AARS1: variants seen among roughly 807,000 people sequenced by gnomAD.
AARS1 encodes alanyl-tRNA synthetase 1, also known as alanine--tRNA ligase, cytoplasmic.
Under a neutral mutation model 108.9 loss-of-function variants are expected in AARS1, and 72 were observed. The ratio of observed to expected loss-of-function variants is 0.66; its 90% confidence interval spans 0.55 to 0.80. The LOEUF (loss-of-function observed/expected upper bound fraction) is 0.80, where lower values mean the gene tolerates loss of function less well. AARS1 is among the 30% of genes least tolerant of loss of function. The pLI is 0.00. For synonymous variants in AARS1, 489 were observed against 465.7 expected, an observed-to-expected ratio of 1.05 and a Z score of -0.64; for missense variants, 1,193 against 1,233.2, an observed-to-expected ratio of 0.97 and a Z score of 0.49.
Position 70,254,693 on chromosome 16 carries a change from G to A in AARS1, c.2328C>T (p.Val776=), listed in dbSNP as rs146969194. 1.9e-6 allele frequency: 3 copies of A among 1,614,056 alleles called. No individual in the cohort carries two copies. The highest frequency in any genetic ancestry group is 2.5e-6 in the Non-Finnish European group (3 of 1,179,954). The change falls in exon 17 of 21, where the codon GTC becomes GTT. Residue 776 remains valine, a synonymous_variant. Transcript: ENST00000261772. ...TCTGAGCCTTCACTTTGGCTTCCATGACAGAGAGACATTTCTTCAAGCTCT... is the reference window on the plus strand; with the variant it reads ...TCTGAGCCTTCACTTTGGCTTCCATAACAGAGAGACATTTCTTCAAGCTCT... ...KAESLKKCLS[V]MEAKVKAQTA...
At chr16:70,258,755 C>A (rs1176653940) in intron 14 of AARS1, among the ~76,000 whole-genome samples, 1 of 152,116 alleles carries the variant, frequency 6.6e-6, no homozygotes, top group African/African-American at 2.4e-5. Context: ...TTAGTAGAGA[C>A]AGGGTTAGCC....
Position 70,258,161 on chromosome 16 carries a change from C to T in AARS1, c.2049G>A (p.Arg683=). 1 of 1,610,258 alleles carries T rather than the reference C, an allele frequency of 6.2e-7. No individual in the cohort carries two copies. Among genetic ancestry groups the T allele is most frequent in the African/African-American group, 1.3e-5 (1 of 74,920 alleles). ...LAAAKAIQGL[R]AVFDETYPDP... ...CAGGATAGGTCTCATCAAACACAGC[C>T]CGTAGGCCCTGGATGGCTTTCGCTG... is the stretch of plus-strand genomic sequence containing the variant. The change falls in exon 15 of 21, where the codon CGG becomes CGA. Residue 683 remains arginine, a synonymous_variant. Transcript: ENST00000261772.
In AARS1 at chr16:70,253,993, G is replaced by A. The variant is rs778478316; in HGVS notation, c.2446C>T (p.Arg816Trp). ...TTCTTTAGGGATTTGAGAGTCTCCC[G>A]CAATTCATCCTTCTGCCACTGGGGG... ...VIPQWQKDEL[R>W]ETLKSLKKVM... The change falls in exon 18 of 21, where the codon CGG (arginine) becomes TGG (tryptophan). Residue 816 changes from arginine (R) to tryptophan (W), a missense_variant. Transcript: ENST00000261772. The A allele has an allele frequency of 6.2e-6, 10 of 1,614,010 alleles. No homozygotes were observed. The highest frequency in any genetic ancestry group is 4.0e-5 in the African/African-American group (3 of 74,902).
chr16:70,282,192 G>T (rs1049889430), intron 2 of AARS1, among the ~76,000 whole-genome samples: 3 of 151,852 alleles, frequency 2.0e-5, no homozygotes, highest in Non-Finnish European at 4.4e-5. Flanking sequence ...TGCCAGGCAT[G>T]GTGGCGGGCA....
At chr16:70,276,293 G>A (rs1413635310) in intron 4 of AARS1, 193 bp downstream of exon 4, 5 of 598,862 alleles carry the variant, frequency 8.3e-6, no homozygotes, top group African/African-American at 7.4e-5. Flanking sequence ...GGAGTGCAGT[G>A]GAGTGATCTC....
Position 70,258,233 on chromosome 16 carries a change from G to T in AARS1, c.1993-16C>A, listed in dbSNP as rs1470035730. 3.2e-6 allele frequency: 5 copies of T among 1,575,238 alleles called. No individual in the cohort carries two copies. The highest frequency in any genetic ancestry group is 3.4e-6 in the Non-Finnish European group (4 of 1,159,528). On this transcript the variant is annotated splice_polypyrimidine_tract_variant and intron_variant, in intron 14 of 20. Transcript: ENST00000261772. ...TATAGACGGCCTGCCAGACCAAGAA[G>T]ACAGAAAAGAGCTGGAAGAGATCCC...
At chr16:70,276,738 C>G (rs1960561665) in intron 3 of AARS1, 107 bp from the exon 4 acceptor site, 4 of 1,338,694 alleles carry the variant, frequency 3.0e-6, no homozygotes, top group East Asian at 2.4e-5. Context: ...CATGTTCACT[C>G]TAAATTCAAA....
chr16:70,281,797 T>A (rs930312118), intron 2 of AARS1, among the ~76,000 whole-genome samples: 1 of 152,070 alleles, frequency 6.6e-6, no homozygotes, highest in Non-Finnish European at 1.5e-5. Context: ...GGCTACAGCA[T>A]GCTAGGATCA....
At position 70,265,704 on chromosome 16, in the gene AARS1, C is replaced by G. The variant is rs1280730177; in HGVS notation, c.1223-42G>C. The stretch of plus-strand genomic sequence containing the variant: ...AGGTGTGTCAAAAAAAACAGACAGC[C>G]CCTTTTCCATGCCAAGCCCTCCAAA... On this transcript the variant is annotated intron_variant, in intron 9 of 20. Coordinates refer to ENST00000261772, the MANE Select transcript of AARS1 (RefSeq NM_001605.3). 1.9e-6 allele frequency: 3 copies of G among 1,610,288 alleles called. No homozygotes were observed. The East Asian group carries it at 6.7e-5, about 36-fold the overall frequency.
At chr16:70,278,901 G>A (rs1369450303) in intron 2 of AARS1, among the ~76,000 whole-genome samples, 9 of 152,136 alleles carry the variant, frequency 5.9e-5, no homozygotes, top group Non-Finnish European at 1.0e-4. Context: ...GGCACTTACC[G>A]ACTATGTGAG....
Position 70,258,207 on chromosome 16 carries a change from G to C in AARS1, c.2003C>G (p.Thr668Ser). The change falls in exon 15 of 21, where the codon ACC becomes AGC. Residue 668 changes from threonine (T) to serine (S), a missense_variant. Transcript: ENST00000261772. ...EMIEAAKAVY[T>S]QDCPLAAAKA... ...CGCTGCTGCCAGGGGGCAATCCTGG[G>C]TATAGACGGCCTGCCAGACCAAGAA... is the stretch of plus-strand genomic sequence containing the variant. The C allele has an allele frequency of 1.9e-6, 3 of 1,593,402 alleles. No homozygotes were observed. Among genetic ancestry groups the C allele is most frequent in the Non-Finnish European group, 2.6e-6 (3 of 1,169,116 alleles).
chr16:70,259,383 T>C (rs140309085), intron 13 of AARS1, among the ~76,000 whole-genome samples, 197 bp from the exon 14 acceptor site: 28 of 152,334 alleles, frequency 1.8e-4, no homozygotes, highest in African/African-American at 6.0e-4. Context: ...ACAGAAGTGA[T>C]GTCTACCATT....
chr16:70,265,703 C>T (rs202172149), intron 9 of AARS1, 41 bp from the exon 10 acceptor site: 49 of 1,610,200 alleles, frequency 3.0e-5, no homozygotes, highest in Non-Finnish European at 3.9e-5. Context: ...AAACAGACAG[C>T]CCCTTTTCCA....
At chr16:70,278,316 A>G (rs1960601541) in intron 2 of AARS1, among the ~76,000 whole-genome samples, 1 of 152,002 alleles carries the variant, frequency 6.6e-6, no homozygotes, top group Admixed American at 6.6e-5. Flanking sequence ...TGTAATCCCC[A>G]GCACTTCAGG....
chr16:70,271,718 G>A, intron 5 of AARS1, 63 bp downstream of exon 5: 1 of 1,520,768 alleles, frequency 6.6e-7, no homozygotes, highest in Non-Finnish European at 9.1e-7. Context: ...GAGCTACACA[G>A]CTCCGAGTTC....
chr16:70,255,592 G>A (rs944679134), intron 16 of AARS1, 136 bp downstream of exon 16: 1 of 765,532 alleles, frequency 1.3e-6, no homozygotes, highest in East Asian at 2.7e-5. Flanking sequence ...AGGACACTGG[G>A]GCAGGGGGAG....
intron 2 of AARS1, among the ~76,000 whole-genome samples, chr16:70,279,972 C>T (rs1450361792): frequency 1.3e-5 from 2 of 152,158 alleles, no homozygotes; most frequent in African/African-American, 2.4e-5. Flanking sequence ...CTCACCTCAA[C>T]TCCTGGGCTC....
chr16:70,282,827 A>G, intron 1 of AARS1, 43 bp from the exon 2 acceptor site: 1 of 1,586,470 alleles, frequency 6.3e-7, no homozygotes, highest in Admixed American at 1.7e-5. Flanking sequence ...AGGGAATTGA[A>G]AGTCAAAGTA....
In AARS1 at chr16:70,270,276, G is replaced by A. The variant is rs756337758; in HGVS notation, c.736C>T (p.Arg246Ter). 10 of 1,614,128 alleles carry A rather than the reference G, an allele frequency of 6.2e-6. No homozygotes were observed. The highest frequency in any genetic ancestry group is 2.2e-5 in the East Asian group (1 of 44,888). ...KSIDTGMGLERLVSVLQNKMS... is the reference protein window; with the variant it reads ...KSIDTGMGLE ...TTATTCTGCAGCACAGATACCAGTC[G>A]TTCCAGGCCCATCCCTGTGTCAATG... The change falls in exon 6 of 21, where the codon CGA becomes TGA. Residue 246 changes from arginine (R) to a stop codon, truncating the protein, a stop_gained. Transcript: ENST00000261772. LOFTEE classifies it high-confidence loss of function.
Sources: allele counts gnomAD v4.1 joint callset (sites outside exome capture counted in the v4.1 genomes callset), GRCh38; gene constraint gnomAD v4.1.1; transcripts MANE v1.5; gene names NCBI Gene and HGNC (gene_info 2026-07-23, HGNC 2026-07-21).